ACSF3: variants seen among roughly 807,000 people sequenced by gnomAD.
ACSF3 encodes acyl-CoA synthetase family member 3.
In ACSF3, 78 loss-of-function variants were observed where a neutral mutation model predicts 53.2. The observed-to-expected ratio is 1.47, with a 90% CI of 1.22 to 1.77. ACSF3 has a LOEUF of 1.77. ACSF3 is among the 40% of genes most tolerant of loss of function. ACSF3 has a pLI of 0.00. For missense variants in ACSF3, 937 were observed against 771.1 expected (o/e 1.22, Z -2.55); for synonymous variants, 414 against 333.1 (o/e 1.24, Z -2.65).
intron 6 of ACSF3, among the ~76,000 whole-genome samples, chr16:89,119,083 G>T (rs1422218687): frequency 6.6e-6 from 1 of 151,440 alleles, no homozygotes; most frequent in Admixed American, 6.6e-5. Context: ...GAGTGTGGGG[G>T]CCCCTCCCTG....
chr16:89,133,890 C>T (rs559119659), intron 8 of ACSF3, among the ~76,000 whole-genome samples: 39 of 152,344 alleles, frequency 2.6e-4, no homozygotes, highest in Non-Finnish European at 4.0e-4. Context: ...TCAGGAGAGA[C>T]GGCGGCGCCC....
chr16:89,110,038 G>A (rs189068452), intron 4 of ACSF3, among the ~76,000 whole-genome samples: 6 of 152,088 alleles, frequency 3.9e-5, no homozygotes, highest in African/African-American at 1.4e-4. Flanking sequence ...TCAGATGTAC[G>A]GTTTACAAAT....
chr16:89,100,973 G>C lies in ACSF3; in HGVS notation c.292G>C (p.Val98Leu). Residue 98 changes from valine to leucine, a missense_variant, in exon 3 of 11, where the codon GTC (valine) becomes CTC (leucine). Transcript: ENST00000614302. Reference protein sequence around the residue: ...CVGGDLREERVSFLCANDASY... With the variant: ...CVGGDLREERLSFLCANDASY... ...CGGCGGGGACCTCCGGGAGGAGAGG[G>C]TCTCCTTCCTATGCGCTAACGATGC... 2 of 1,613,616 alleles carry C rather than the reference G, an allele frequency of 1.2e-6. No individual in the cohort carries two copies. The highest frequency in any genetic ancestry group is 1.7e-6 in the Non-Finnish European group (2 of 1,179,880).
chr16:89,100,033 C>G (rs1271108603), intron 2 of ACSF3, among the ~76,000 whole-genome samples: 1 of 149,820 alleles, frequency 6.7e-6, no homozygotes, highest in Non-Finnish European at 1.5e-5. Context: ...CCCAGCTACT[C>G]GGGAGGCTGA....
At chr16:89,098,927 G>A (rs573137492) in intron 2 of ACSF3, among the ~76,000 whole-genome samples, 164 bp downstream of exon 2, 1 of 152,374 alleles carries the variant, frequency 6.6e-6, no homozygotes, top group African/African-American at 2.4e-5. Context: ...CTTGTTCAAA[G>A]TCCCTGAAAA....
intron 1 of ACSF3, among the ~76,000 whole-genome samples, chr16:89,095,546 C>T (rs1974509559): frequency 7.3e-6 from 1 of 137,636 alleles, no homozygotes; most frequent in East Asian, 2.1e-4. Flanking sequence ...CCCACGCTCT[C>T]ATCGGGGCAG....
At chr16:89,111,329 C>T (rs574862468) in intron 4 of ACSF3, among the ~76,000 whole-genome samples, 7 of 152,382 alleles carry the variant, frequency 4.6e-5, no homozygotes, top group African/African-American at 1.7e-4. Flanking sequence ...CTCGTCACTG[C>T]AGTCCAGTGA....
chr16:89,137,004 C>G (rs1910639017), intron 8 of ACSF3, among the ~76,000 whole-genome samples: 1 of 152,222 alleles, frequency 6.6e-6, no homozygotes, highest in Non-Finnish European at 1.5e-5. Context: ...CGCTCAGAGA[C>G]ACACGCGCAC....
intron 7 of ACSF3, among the ~76,000 whole-genome samples, chr16:89,127,079 G>C (rs1217961827): frequency 6.6e-6 from 1 of 152,126 alleles, no homozygotes. Context: ...ACTTGGTCCT[G>C]GTGGGTCATT....
At chr16:89,124,291 C>T (rs984720833) in intron 7 of ACSF3, among the ~76,000 whole-genome samples, 26 of 152,152 alleles carry the variant, frequency 1.7e-4, no homozygotes, top group Admixed American at 8.5e-4. Context: ...GACGAGGGGG[C>T]GCGTGTGCAC....
chr16:89,101,104 C>T lies in ACSF3; in HGVS notation c.423C>T (p.Ser141=). ...AAQLEYVICD[S]QSSVVLASQE... The stretch of plus-strand genomic sequence containing the variant: ...AGCTGGAGTATGTCATCTGCGACTC[C>T]CAGAGCTCTGTGGTCCTTGCCAGCC... The change falls in exon 3 of 11, where the codon TCC becomes TCT. Residue 141 remains serine, a synonymous_variant. Coordinates refer to ENST00000614302, the MANE Select transcript of ACSF3 (RefSeq NM_001243279.3). 6.2e-7 allele frequency: 1 copy of T among 1,614,086 alleles called. No homozygotes were observed. The highest frequency in any genetic ancestry group is 8.5e-7 in the Non-Finnish European group (1 of 1,180,030).
At chr16:89,139,425 G>T (rs115584184) in intron 8 of ACSF3, among the ~76,000 whole-genome samples, 2 of 152,152 alleles carry the variant, frequency 1.3e-5, no homozygotes, top group East Asian at 3.9e-4. Flanking sequence ...GGAGACTTGC[G>T]TGTCTCTCCG....
chr16:89,101,798 T>C (rs1455212842), intron 3 of ACSF3, among the ~76,000 whole-genome samples: 1 of 152,222 alleles, frequency 6.6e-6, no homozygotes, highest in Non-Finnish European at 1.5e-5. Context: ...TTGTACAGTG[T>C]CATAACGTCT....
rs1193534929 is a variant in ACSF3, at chr16:89,154,191, A to C, written c.1715A>C (p.His572Pro). The change falls in exon 11 of 11, where the codon CAC (histidine) becomes CCC (proline). Residue 572 changes from histidine (H) to proline (P), a missense_variant. Transcript: ENST00000614302. ...GKIDKKALIR[H>P]FHPS ...ATTGACAAGAAGGCGCTCATCAGGC[A>C]CTTCCACCCCTCATGACCCGGCAGA... 2.5e-5 allele frequency: 41 copies of C among 1,613,368 alleles called. No individual in the cohort carries two copies. The highest frequency in any genetic ancestry group is 3.5e-5 in the Non-Finnish European group (41 of 1,179,852).
At chr16:89,135,096 G>C (rs569742529) in intron 8 of ACSF3, among the ~76,000 whole-genome samples, 1 of 123,508 alleles carries the variant, frequency 8.1e-6, no homozygotes, top group Admixed American at 8.6e-5. Flanking sequence ...TTTTTGGCCT[G>C]TCTATATTTT....
intron 1 of ACSF3, among the ~76,000 whole-genome samples, chr16:89,095,748 CG>C (rs1974539724): frequency 6.6e-6 from 1 of 152,220 alleles, no homozygotes; most frequent in African/African-American, 2.4e-5. Flanking sequence ...CTGAGCACGG[CG>C]CGGCCGTTTG....
chr16:89,154,510 T>G lies in ACSF3; in HGVS notation c.*303T>G, dbSNP rs757727795. 2 of 554,294 alleles carry G rather than the reference T, an allele frequency of 3.6e-6. No homozygotes were observed. The highest frequency in any genetic ancestry group is 3.1e-5 in the South Asian group (2 of 65,344). The allele number at this position is 554,294 out of a possible 1,614,324, so 34.3% of individuals were successfully genotyped here. The stretch of plus-strand genomic sequence containing the variant: ...TGCTGAGGCACCTCCCGCCCCACAG[T>G]GCCCTGCAGTTGCCAGGCTCTCCAG... On this transcript the variant is annotated 3_prime_UTR_variant, in exon 11 of 11. Coordinates refer to ENST00000614302, the MANE Select transcript of ACSF3 (RefSeq NM_001243279.3).
chr16:89,106,852 G>A (rs7187583), intron 4 of ACSF3, among the ~76,000 whole-genome samples: 99,959 of 152,108 alleles, frequency 0.66, 33,772 homozygotes, highest in Admixed American at 0.74. Context: ...ACAGAGGGCC[G>A]TGGGTGTCAG....
At chr16:89,102,202 A>T (rs575474309) in intron 3 of ACSF3, 8 of 324,000 alleles carry the variant, frequency 2.5e-5, no homozygotes, top group African/African-American at 1.7e-4. Context: ...GAATCGGCAG[A>T]GCTCTGTGTG....
Sources: gnomAD v4.1 joint callset for allele counts (sites outside exome capture counted in the v4.1 genomes callset) on GRCh38, gnomAD v4.1.1 for gene constraint, MANE v1.5 for transcripts, NCBI Gene and HGNC (gene_info 2026-07-23, HGNC 2026-07-21) for gene names.